TRDN: variants seen among roughly 807,000 people sequenced by gnomAD.
The protein encoded by TRDN is triadin in skeletal muscle.
In TRDN, 161 loss-of-function variants were observed where a neutral mutation model predicts 149.7. That is an observed-to-expected ratio of 1.08 (90% CI 0.95 to 1.23). The LOEUF is 1.23. Among genes scored for constraint, TRDN ranks in the 50% most tolerant of loss-of-function variants. The pLI is 0.00. For synonymous variants in TRDN, 294 were observed against 250.5 expected (o/e 1.17, Z -1.64); for missense variants, 896 against 823.5 (o/e 1.09, Z -1.08).
chr6:123,501,298 T>C (rs894428109), intron 8 of TRDN, among the ~76,000 whole-genome samples: 8 of 151,756 alleles, frequency 5.3e-5, no homozygotes, highest in African/African-American at 1.9e-4. Context: ...CCTTATTTCT[T>C]TAAAAAGAAG....
At chr6:123,427,306 C>T (rs1774164468) in intron 12 of TRDN, among the ~76,000 whole-genome samples, 1 of 150,812 alleles carries the variant, frequency 6.6e-6, no homozygotes, top group South Asian at 2.1e-4. Context: ...AACTAACCTT[C>T]TAGAAGAGTA....
At chr6:123,540,291 T>A (rs935657976) in intron 4 of TRDN, among the ~76,000 whole-genome samples, 2 of 152,108 alleles carry the variant, frequency 1.3e-5, no homozygotes, top group Admixed American at 1.3e-4. Context: ...TTCTACTGAG[T>A]TGCTAAGGTA....
chr6:123,579,275 G>A (rs527341040), intron 1 of TRDN, among the ~76,000 whole-genome samples: 144 of 152,208 alleles, frequency 9.5e-4, no homozygotes, highest in Non-Finnish European at 1.4e-3. Context: ...TTGGCTGTGG[G>A]TTTATCACAG....
intron 12 of TRDN, among the ~76,000 whole-genome samples, chr6:123,395,603 A>G (rs1288694017): frequency 6.6e-6 from 1 of 152,064 alleles, no homozygotes; most frequent in East Asian, 1.9e-4. Context: ...CCTGCCCCTC[A>G]TTGTCCCGCG....
intron 12 of TRDN, among the ~76,000 whole-genome samples, chr6:123,418,104 C>A (rs1773731548): frequency 6.6e-6 from 1 of 152,096 alleles, no homozygotes; most frequent in Non-Finnish European, 1.5e-5. Flanking sequence ...TAAGAACATG[C>A]TGTAATAATT....
intron 2 of TRDN, among the ~76,000 whole-genome samples, chr6:123,551,342 TAC>T (rs10638140): frequency 0.41 from 57,921 of 141,096 alleles, 12,392 homozygotes; most frequent in East Asian, 0.67. Context: ...AAAACCTAAA[TAC>T]ACACACACAC....
rs147105829 is a variant in TRDN, at chr6:123,570,298, C to T, written c.232+625G>A. Among the ~76,000 whole-genome samples, 706 of 152,220 alleles carry T rather than the reference C, an allele frequency of 4.6e-3. 5 individuals are homozygous for T. The highest frequency in any genetic ancestry group is 7.1e-3 in the Non-Finnish European group (485 of 68,014). On this transcript the variant is annotated intron_variant, in intron 2 of 40. Coordinates refer to ENST00000334268, the MANE Select transcript of TRDN (RefSeq NM_006073.4). ...GGCTGATTCCTTTCCTTAGGGAGCT[C>T]ACAGTCAATAGAGGGTGTCATATGT...
chr6:123,225,525 C>T (rs1775321558), intron 38 of TRDN, among the ~76,000 whole-genome samples: 1 of 87,340 alleles, frequency 1.1e-5, no homozygotes, highest in Non-Finnish European at 3.4e-5. Context: ...CACACACACA[C>T]ACACACACAT....
At chr6:123,366,704 G>A (rs532516557) in intron 19 of TRDN, among the ~76,000 whole-genome samples, 2 of 151,994 alleles carry the variant, frequency 1.3e-5, no homozygotes, top group Non-Finnish European at 2.9e-5. Flanking sequence ...TTTTAGTAGA[G>A]ACGGGGTTTC....
intron 4 of TRDN, among the ~76,000 whole-genome samples, chr6:123,538,552 G>T (rs1219160816): frequency 6.6e-6 from 1 of 152,080 alleles, no homozygotes; most frequent in South Asian, 2.1e-4. Context: ...CCCCCTTGAA[G>T]CACCTAGTAT....
At chr6:123,388,169 T>C (rs559312159) in intron 14 of TRDN, among the ~76,000 whole-genome samples, 1 of 152,242 alleles carries the variant, frequency 6.6e-6, no homozygotes, top group African/African-American at 2.4e-5. Flanking sequence ...ACTACTGTTT[T>C]ATATACCCCA....
At chr6:123,265,505 T>C (rs1045252571) in intron 32 of TRDN, among the ~76,000 whole-genome samples, 167 bp from the exon 33 acceptor site, 1 of 151,440 alleles carries the variant, frequency 6.6e-6, no homozygotes, top group Non-Finnish European at 1.5e-5. Context: ...TTTCATATCA[T>C]ACTCCCAATG....
At position 123,351,098 on chromosome 6, in the gene TRDN, A is replaced by C. The variant is rs1005458416; in HGVS notation, c.1369+1441T>G. On this transcript the variant is annotated intron_variant, in intron 21 of 40. Transcript: ENST00000334268. ...TATACTGTGGCTATGAAAACAACCT[A>C]TGAATATCATGAGTAATCAGCACTT... 4 of 984,928 alleles carry C rather than the reference A, an allele frequency of 4.1e-6. No individual in the cohort carries two copies. In the African/African-American group the frequency reaches 5.2e-5, roughly 13 times the overall value. 61.0% of individuals were successfully genotyped at this position (984,928 alleles called of 1,614,324 possible). A position where few individuals can be genotyped will look rare whatever the true frequency, so the allele number is the denominator to read the frequency against.
chr6:123,415,387 A>G (rs528061872), intron 12 of TRDN, among the ~76,000 whole-genome samples: 1 of 152,306 alleles, frequency 6.6e-6, no homozygotes, highest in East Asian at 1.9e-4. Flanking sequence ...TAACCTTGAC[A>G]AGATCGCTGT....
chr6:123,284,169 A>G (rs1290118725), intron 24 of TRDN, among the ~76,000 whole-genome samples: 3 of 148,474 alleles, frequency 2.0e-5, no homozygotes, highest in African/African-American at 7.5e-5. Flanking sequence ...CATTGTATGA[A>G]GCCAGCATTA....
intron 12 of TRDN, among the ~76,000 whole-genome samples, chr6:123,426,114 C>A (rs377402835): frequency 6.6e-6 from 1 of 152,030 alleles, no homozygotes; most frequent in East Asian, 1.9e-4. Context: ...CACTGTATTG[C>A]ATTGTCTTCT....
At chr6:123,540,299 G>T (rs1377052078) in intron 4 of TRDN, among the ~76,000 whole-genome samples, 1 of 152,128 alleles carries the variant, frequency 6.6e-6, no homozygotes, top group African/African-American at 2.4e-5. Flanking sequence ...AGTTGCTAAG[G>T]TAAGATAATT....
At chr6:123,249,212 C>T (rs1299181495) in intron 38 of TRDN, among the ~76,000 whole-genome samples, 1 of 151,816 alleles carries the variant, frequency 6.6e-6, no homozygotes, top group Non-Finnish European at 1.5e-5. Flanking sequence ...CTAATTATGA[C>T]AGAAATTAAA....
At chr6:123,522,517 C>CTTTTTTTTTTTTTTTTT (rs375665403) in intron 5 of TRDN, among the ~76,000 whole-genome samples, 1 of 87,224 alleles carries the variant, frequency 1.1e-5, no homozygotes, top group African/African-American at 4.9e-5. Flanking sequence ...TGCGGTTCCT[C>CTTTTTTTTTTTTTTTTT]TTTTTTTTTT....
Sources: gnomAD v4.1 joint callset for allele counts (sites outside exome capture counted in the v4.1 genomes callset) on GRCh38, gnomAD v4.1.1 for gene constraint, MANE v1.5 for transcripts, NCBI Gene and HGNC (gene_info 2026-07-23, HGNC 2026-07-21) for gene names.